The following RAPGEF6 variants were observed in gnomAD, a reference collection of about 807,000 sequenced individuals.
RAPGEF6 encodes the protein Rap guanine nucleotide exchange factor 6.
In RAPGEF6, 56 loss-of-function variants were observed where a neutral mutation model predicts 171.4. The ratio of observed to expected loss-of-function variants is 0.33; its 90% CI spans 0.26 to 0.41. RAPGEF6 has a LOEUF of 0.41. Ranked by LOEUF, RAPGEF6 falls within the 10% of genes least tolerant of loss-of-function variation. The pLI, the probability that RAPGEF6 is intolerant of heterozygous loss-of-function variation, is 1.00. For synonymous variants in RAPGEF6, 692 were observed against 650.1 expected (o/e 1.06, Z -0.98); for missense variants, 1,674 against 1,921.4 (o/e 0.87, Z 2.41).
intron 1 of RAPGEF6, among the ~76,000 whole-genome samples, chr5:131,623,477 CTTTT>C (rs763921579): frequency 7.0e-5 from 8 of 114,144 alleles, no homozygotes; most frequent in Non-Finnish European, 8.9e-5. Flanking sequence ...TTTCACATTG[CTTTT>C]TTTTTTTTTT....
intron 15 of RAPGEF6, 60 bp from the exon 16 acceptor site, chr5:131,479,813 A>G: frequency 6.5e-7 from 1 of 1,540,632 alleles, no homozygotes; most frequent in East Asian, 2.3e-5. Flanking sequence ...TTTTATACCA[A>G]CAACAAATTT....
intron 24 of RAPGEF6, among the ~76,000 whole-genome samples, chr5:131,434,456 C>G (rs1389429332): frequency 6.6e-6 from 1 of 152,144 alleles, no homozygotes; most frequent in East Asian, 1.9e-4. Flanking sequence ...CGAGGCTGGT[C>G]TTCAACTCCT....
At chr5:131,516,070 T>C (rs1580951504) in intron 7 of RAPGEF6, among the ~76,000 whole-genome samples, 1 of 9,304 alleles carries the variant, frequency 1.1e-4, no homozygotes, top group African/African-American at 4.7e-4. Context: ...TTTTTTTTTT[T>C]TTTTTTTTTT....
In RAPGEF6 at chr5:131,462,232, A is replaced by G. The variant is rs1420681035; in HGVS notation, c.2481-144T>C. On this transcript the variant is annotated intron_variant, in intron 18 of 27. Coordinates refer to ENST00000509018, the MANE Select transcript of RAPGEF6 (RefSeq NM_016340.6). ...TAATTTACAGATAAAATGAAAAGTT[A>G]ACATTTTAAATGAAAAGATTTTTGA... 19 of 789,186 alleles carry G rather than the reference A, an allele frequency of 2.4e-5. No homozygotes were observed. The Admixed American group carries it at 4.8e-4, about 20-fold the overall frequency. 48.9% of individuals were successfully genotyped at this position (789,186 alleles called of 1,614,324 possible).
intron 12 of RAPGEF6, among the ~76,000 whole-genome samples, chr5:131,498,153 T>A (rs892170645): frequency 2.1e-4 from 32 of 152,366 alleles, no homozygotes; most frequent in African/African-American, 6.0e-4. Context: ...AACAATCAAG[T>A]ATTTCAGTAA....
At chr5:131,470,048 C>T (rs1244376681) in intron 17 of RAPGEF6, among the ~76,000 whole-genome samples, 1 of 151,844 alleles carries the variant, frequency 6.6e-6, no homozygotes. Flanking sequence ...GTATAAATTA[C>T]ATAAGAAGCT....
chr5:131,503,321 T>A (rs2149886800), intron 11 of RAPGEF6, among the ~76,000 whole-genome samples: 1 of 152,360 alleles, frequency 6.6e-6, no homozygotes, highest in Admixed American at 6.5e-5. Flanking sequence ...CAGATCTCTC[T>A]ACTGTTCTTG....
rs1378843383 is a variant in RAPGEF6, at chr5:131,461,874, G to C, written c.2695C>G (p.His899Asp). Residue 899 changes from histidine to aspartate, a missense_variant, in exon 19 of 28, where the codon CAT (histidine) becomes GAT (aspartate). His to Asp is a moderately conservative substitution (Grantham distance 81, BLOSUM62 -1). This residue lies in a region of RAPGEF6 where 1,116 missense variants were observed against 1,321.5 expected (regional missense o/e 0.84). Transcript: ENST00000509018. Reference protein sequence around the residue: ...FKLNSKTGNTHLKRFEDIVNQ... With the variant: ...FKLNSKTGNTDLKRFEDIVNQ... Reference sequence around the variant, plus strand: ...ACAATGTCCTCAAACCTCTTCAAATGAGTATTTCCTGTTTTGGAATTTAAC... The same window carrying C: ...ACAATGTCCTCAAACCTCTTCAAATCAGTATTTCCTGTTTTGGAATTTAAC... 1 of 1,614,062 alleles carries C rather than the reference G, an allele frequency of 6.2e-7. No individual in the cohort carries two copies. The highest frequency in any genetic ancestry group is 1.7e-5 in the Admixed American group (1 of 59,996).
At chr5:131,587,690 C>T (rs560844268) in intron 4 of RAPGEF6, among the ~76,000 whole-genome samples, 1 of 152,318 alleles carries the variant, frequency 6.6e-6, no homozygotes, top group African/African-American at 2.4e-5. Flanking sequence ...CTCTGACCTT[C>T]TCTTGCCCCT....
At chr5:131,630,311 T>C (rs536628787) in intron 1 of RAPGEF6, among the ~76,000 whole-genome samples, 4 of 152,338 alleles carry the variant, frequency 2.6e-5, no homozygotes, top group African/African-American at 7.2e-5. Flanking sequence ...AAGGCATATA[T>C]CTTTTTTTAG....
Position 131,635,142 on chromosome 5 carries a change from C to G in RAPGEF6, c.-112G>C. 8.7e-7 allele frequency: 1 copy of G among 1,144,408 alleles called. No homozygotes were observed. The highest frequency in any genetic ancestry group is 1.2e-6 in the Non-Finnish European group (1 of 830,426). 70.9% of individuals were successfully genotyped at this position (1,144,408 alleles called of 1,614,324 possible). A position where few individuals can be genotyped will look rare whatever the true frequency, so the allele number is the denominator to read the frequency against. ...CCCGCCCCAAGGAGGGAACTTCGCG[C>G]CGTAACAAGGTCCGAACTCTAGCAA... is the stretch of plus-strand genomic sequence containing the variant. On this transcript the variant is annotated 5_prime_UTR_variant, in exon 1 of 28. Transcript: ENST00000509018.
At chr5:131,494,533 T>A (rs1254610528) in intron 13 of RAPGEF6, among the ~76,000 whole-genome samples, 1 of 152,140 alleles carries the variant, frequency 6.6e-6, no homozygotes, top group Non-Finnish European at 1.5e-5. Context: ...ATGGTCTGGA[T>A]GCAGAACTGG....
intron 17 of RAPGEF6, among the ~76,000 whole-genome samples, chr5:131,468,003 C>A (rs1754479473): frequency 6.6e-6 from 1 of 151,582 alleles, no homozygotes; most frequent in Admixed American, 6.6e-5. Context: ...TGCAGTCCAG[C>A]CTGGGTGACA....
intron 13 of RAPGEF6, among the ~76,000 whole-genome samples, chr5:131,493,060 T>C (rs913261425): frequency 8.0e-4 from 121 of 152,126 alleles, no homozygotes; most frequent in Admixed American, 1.5e-3. Flanking sequence ...TATTTATTTA[T>C]TTATTTATTT....
At position 131,624,622 on chromosome 5, in the gene RAPGEF6, AAAACAAAC is replaced by A. The variant is rs149821127; in HGVS notation, c.69+10332_69+10339del. Among the ~76,000 whole-genome samples, 10 of 152,074 alleles carry A rather than the reference AAAACAAAC, an allele frequency of 6.6e-5. No homozygotes were observed. In the East Asian group the frequency reaches 7.7e-4, roughly 12 times the overall value. On this transcript the variant is annotated intron_variant, in intron 1 of 27. Coordinates refer to ENST00000509018, the MANE Select transcript of RAPGEF6 (RefSeq NM_016340.6). ...ACAGCAAGACCTTGTCTTTAAAAAC[AAAACAAAC>A]AAACAAACAAACAAACAAAAACACT...
intron 17 of RAPGEF6, chr5:131,469,903 A>G: frequency 2.0e-6 from 2 of 1,014,002 alleles, no homozygotes; most frequent in East Asian, 5.2e-5. Context: ...TTTCATTTTG[A>G]TCTAGTAATA....
At chr5:131,490,276 G>A (rs956497103) in intron 14 of RAPGEF6, among the ~76,000 whole-genome samples, 1 of 151,694 alleles carries the variant, frequency 6.6e-6, no homozygotes, top group Admixed American at 6.6e-5. Context: ...GATATAATGA[G>A]CAAAAACTAG....
At chr5:131,623,958 A>G (rs951591450) in intron 1 of RAPGEF6, among the ~76,000 whole-genome samples, 4 of 152,190 alleles carry the variant, frequency 2.6e-5, no homozygotes, top group Admixed American at 2.6e-4. Flanking sequence ...CTACGGTGGA[A>G]GAAGGCGCAA....
chr5:131,551,493 C>T (rs1315904343), intron 5 of RAPGEF6, among the ~76,000 whole-genome samples: 2 of 129,828 alleles, frequency 1.5e-5, no homozygotes, highest in Admixed American at 8.9e-5. Context: ...GTCTGGGCGA[C>T]AGAGTGAGAC....
Sources: allele counts gnomAD v4.1 joint callset (sites outside exome capture counted in the v4.1 genomes callset), GRCh38; gene constraint gnomAD v4.1.1; regional missense constraint gnomAD v4.1.1; transcripts MANE v1.5; gene names NCBI Gene and HGNC (gene_info 2026-07-23, HGNC 2026-07-21).